Variants in ARB2A observed in about 807,000 individuals in gnomAD.
ARB2A encodes the protein cotranscriptional regulator ARB2A.
the ARB2A span, among the ~76,000 whole-genome samples, chr5:93,777,577 C>G: frequency 2.0e-5 from 3 of 147,932 alleles, no homozygotes; most frequent in Non-Finnish European, 4.5e-5. Flanking sequence ...AATGAATTTC[C>G]AGACAGATTT....
the ARB2A span, among the ~76,000 whole-genome samples, chr5:93,988,334 T>C: frequency 1.3e-5 from 2 of 152,150 alleles, no homozygotes; most frequent in Non-Finnish European, 2.9e-5. Flanking sequence ...CTGGTCCCTA[T>C]CTATTTCTCA....
chr5:93,685,256 T>TA, the ARB2A span, among the ~76,000 whole-genome samples: 1 of 152,212 alleles, frequency 6.6e-6, no homozygotes, highest in Non-Finnish European at 1.5e-5. Flanking sequence ...TATTTAAGGC[T>TA]TATATTAGTT....
At chr5:93,863,459 G>A in the ARB2A span, 1 of 151,590 alleles carries the variant, frequency 6.6e-6, no homozygotes, top group Non-Finnish European at 1.5e-5. Context: ...TTAGAGAGGA[G>A]GGTATTGCTA....
the ARB2A span, among the ~76,000 whole-genome samples, chr5:93,661,319 C>T: frequency 6.6e-6 from 1 of 151,956 alleles, no homozygotes; most frequent in Non-Finnish European, 1.5e-5. Flanking sequence ...GGTTTGGTGC[C>T]CCAAACTAGG....
At chr5:93,943,496 T>G in the ARB2A span, among the ~76,000 whole-genome samples, 1 of 152,126 alleles carries the variant, frequency 6.6e-6, no homozygotes, top group East Asian at 1.9e-4. Context: ...TACATAAATA[T>G]TAATTTTTCA....
chr5:93,871,546 G>A, the ARB2A span, among the ~76,000 whole-genome samples: 1 of 152,074 alleles, frequency 6.6e-6, no homozygotes, highest in East Asian at 1.9e-4. Context: ...GTTTGAGGCC[G>A]AGTTTTCCTC....
chr5:93,752,009 C>A, the ARB2A span, among the ~76,000 whole-genome samples: 2 of 152,072 alleles, frequency 1.3e-5, no homozygotes, highest in Admixed American at 1.3e-4. Context: ...GGATGTGATT[C>A]CATGGCTGGA....
At chr5:93,642,985 A>G in the ARB2A span, among the ~76,000 whole-genome samples, 1 of 152,238 alleles carries the variant, frequency 6.6e-6, no homozygotes, top group Non-Finnish European at 1.5e-5. Context: ...AACTCAGAGG[A>G]ACATTAAGAT....
chr5:93,841,858 C>G, the ARB2A span, among the ~76,000 whole-genome samples: 1 of 152,200 alleles, frequency 6.6e-6, no homozygotes. Flanking sequence ...TATTGTGGGC[C>G]AGGTTGACAT....
the ARB2A span, among the ~76,000 whole-genome samples, chr5:93,790,731 T>C: frequency 6.6e-6 from 1 of 152,136 alleles, no homozygotes; most frequent in South Asian, 2.1e-4. Context: ...CCTTGTTTTC[T>C]ACATAGAGGT....
the ARB2A span, among the ~76,000 whole-genome samples, chr5:93,832,874 T>C: frequency 6.6e-5 from 10 of 152,194 alleles, no homozygotes; most frequent in Non-Finnish European, 4.4e-5. Context: ...CACACCACTA[T>C]ATCAGGCTTC....
At chr5:93,746,800 A>C in the ARB2A span, among the ~76,000 whole-genome samples, 1 of 152,220 alleles carries the variant, frequency 6.6e-6, no homozygotes, top group South Asian at 2.1e-4. Context: ...GGAATTTTAA[A>C]TATCTGTAAA....
chr5:93,898,404 A>G, the ARB2A span, among the ~76,000 whole-genome samples: 2 of 151,848 alleles, frequency 1.3e-5, no homozygotes, highest in African/African-American at 4.8e-5. Context: ...TGCTCCTCAC[A>G]TGCACCTTTC....
the ARB2A span, among the ~76,000 whole-genome samples, chr5:93,901,664 G>A: frequency 6.6e-6 from 1 of 152,050 alleles, no homozygotes; most frequent in African/African-American, 2.4e-5. Context: ...TTTGTTACTT[G>A]CTCAAGCATG....
At chr5:93,987,594 T>C in the ARB2A span, among the ~76,000 whole-genome samples, 1 of 152,198 alleles carries the variant, frequency 6.6e-6, no homozygotes, top group Admixed American at 6.5e-5. Context: ...TAAAAATCTT[T>C]TGAAGTGACT....
chr5:93,679,961 A>T, the ARB2A span, among the ~76,000 whole-genome samples: 2 of 152,088 alleles, frequency 1.3e-5, no homozygotes, highest in Non-Finnish European at 2.9e-5. Context: ...TTTCAAATTT[A>T]AGTCTTGAAA....
chr5:94,029,518 G>C, the ARB2A span, among the ~76,000 whole-genome samples: 1 of 152,082 alleles, frequency 6.6e-6, no homozygotes, highest in South Asian at 2.1e-4. Context: ...TGTACCTAAA[G>C]GTCTGAATAC....
chr5:93,697,475 T>A, the ARB2A span, among the ~76,000 whole-genome samples: 1 of 152,200 alleles, frequency 6.6e-6, no homozygotes, highest in Non-Finnish European at 1.5e-5. Context: ...ACCTCATATA[T>A]GACACCAAGC....
At chr5:94,073,889 A>G in the ARB2A span, among the ~76,000 whole-genome samples, 23 of 152,146 alleles carry the variant, frequency 1.5e-4, no homozygotes, top group Non-Finnish European at 2.6e-4. Flanking sequence ...TGACCTCCAC[A>G]TGGTCAAAGG....
Sources: gnomAD v4.1 joint callset for allele counts (sites outside exome capture counted in the v4.1 genomes callset) on GRCh38, gnomAD v4.1.1 for gene constraint, MANE v1.5 for transcripts, NCBI Gene and HGNC (gene_info 2026-07-23, HGNC 2026-07-21) for gene names.